ANKRD11: variants seen among roughly 807,000 people sequenced by gnomAD.
ANKRD11 encodes ankyrin repeat domain 11, also known as ankyrin repeat domain-containing protein 11.
ANKRD11 carries 17 observed loss-of-function variants against 195.7 expected under a neutral mutation model. The ratio of observed to expected loss-of-function variants is 0.09; its 90% confidence interval spans 0.06 to 0.13. The LOEUF (loss-of-function observed/expected upper bound fraction) is 0.13, where lower values mean the gene tolerates loss of function less well. ANKRD11 is among the 10% of genes least tolerant of loss of function. The probability of loss-of-function intolerance (pLI) is 1.00; values close to 1 mark genes in which losing one functional copy is unlikely to be tolerated. For missense variants in ANKRD11, 3,735 were observed against 3,566.1 expected (o/e 1.05, Z -1.21); for synonymous variants, 1,953 against 1,528.1 (o/e 1.28, Z -6.49).
In ANKRD11 at chr16:89,387,502, C is replaced by T. The variant is rs563729121; in HGVS notation, c.-60+30782G>A. On this transcript the variant is annotated intron_variant, in intron 2 of 12. Coordinates refer to ENST00000301030, the MANE Select transcript of ANKRD11 (RefSeq NM_013275.6). Reference sequence around the variant, plus strand: ...CCCGGCTAACACAGTGAAACCCCATCTCTACTAAAAATACAAAAAAATTAA... The same window carrying T: ...CCCGGCTAACACAGTGAAACCCCATTTCTACTAAAAATACAAAAAAATTAA... Among the ~76,000 whole-genome samples the T allele has an allele frequency of 4.6e-3, 690 of 151,364 alleles. 6 individuals carry two copies. Among genetic ancestry groups the T allele is most frequent in the African/African-American group, 0.015 (637 of 41,210 alleles).
At chr16:89,381,648 C>G (rs1358007635) in intron 2 of ANKRD11, among the ~76,000 whole-genome samples, 1 of 152,228 alleles carries the variant, frequency 6.6e-6, no homozygotes, top group Non-Finnish European at 1.5e-5. Context: ...ATGCCTGTCA[C>G]AAATGCGCAT....
At position 89,274,847 on chromosome 16, in the gene ANKRD11, G is replaced by A; in HGVS notation, c.7680C>T (p.Asp2560=). The stretch of plus-strand genomic sequence containing the variant: ...CCAGGGGCATGTTGTAGACCTCGGA[G>A]TCCAGCAGCATCGTGCAGGCGCTGA... ...VPFSACTMLL[D]SEVYNMPLES... is the part of the protein sequence containing the mutation. The change falls in exon 11 of 13, where the codon GAC becomes GAT. Residue 2560 remains aspartate (D), a synonymous_variant. Coordinates refer to ENST00000301030, the MANE Select transcript of ANKRD11 (RefSeq NM_013275.6). The A allele has an allele frequency of 1.9e-6, 3 of 1,612,580 alleles. No homozygotes were observed. The highest frequency in any genetic ancestry group is 2.5e-6 in the Non-Finnish European group (3 of 1,179,884).
At chr16:89,305,066 G>T (rs2036098865) in intron 4 of ANKRD11, 140 bp downstream of exon 4, 3 of 1,329,672 alleles carry the variant, frequency 2.3e-6, no homozygotes, top group Non-Finnish European at 3.1e-6. Context: ...CGCCCCTGCT[G>T]CCTCTTGCCT....
chr16:89,438,565 T>C (rs1403094248), intron 1 of ANKRD11, among the ~76,000 whole-genome samples: 2 of 152,012 alleles, frequency 1.3e-5, no homozygotes, highest in African/African-American at 2.4e-5. Flanking sequence ...ACTTATGACT[T>C]CAGGTGATCC....
rs1483914550 is a variant in ANKRD11, at chr16:89,283,501, C to G, written c.3041G>C (p.Gly1014Ala). ...CTTCTCCTTCCTTTCCTTATCGGGG[C>G]CATCCTTCTTCTCCTTCTCTCGTGC... ...HPAREKEKKD[G>A]PDKERKEKTK... Residue 1014 changes from glycine to alanine, a missense_variant, in exon 9 of 13, where the codon GGC becomes GCC. Gly to Ala is a moderately conservative substitution (Grantham distance 60). Coordinates refer to ENST00000301030, the MANE Select transcript of ANKRD11 (RefSeq NM_013275.6). The surrounding 1 kb of genome is among the most constrained non-coding windows in gnomAD (Gnocchi z 4.3). 6.2e-7 allele frequency: 1 copy of G among 1,614,014 alleles called. No homozygotes were observed.
At chr16:89,362,127 C>T (rs1210726708) in intron 2 of ANKRD11, among the ~76,000 whole-genome samples, 1 of 152,246 alleles carries the variant, frequency 6.6e-6, no homozygotes, top group Non-Finnish European at 1.5e-5. Context: ...TTTACCCAAT[C>T]TGACATGTGG....
intron 1 of ANKRD11, among the ~76,000 whole-genome samples, chr16:89,428,800 A>G (rs2042841110): frequency 6.6e-6 from 1 of 152,042 alleles, no homozygotes. Context: ...AGGCTAAGGC[A>G]GGAGAATCAC....
In ANKRD11 at chr16:89,269,471, C is replaced by T. The variant is rs1048802724; in HGVS notation, c.7807-808G>A. ...CTCAATGGGCCTCATAGCTTTTACT[C>T]GGCAGCTCAGACATCACCAGTGTAA... On this transcript the variant is annotated intron_variant, in intron 12 of 12. Coordinates refer to ENST00000301030, the MANE Select transcript of ANKRD11 (RefSeq NM_013275.6). Among the ~76,000 whole-genome samples, 3 of 152,134 alleles carry T rather than the reference C, an allele frequency of 2.0e-5. No homozygotes were observed. In the East Asian group the frequency reaches 5.8e-4, roughly 29 times the overall value.
At chr16:89,444,349 C>A (rs2043681007) in intron 1 of ANKRD11, among the ~76,000 whole-genome samples, 1 of 152,132 alleles carries the variant, frequency 6.6e-6, no homozygotes, top group African/African-American at 2.4e-5. Flanking sequence ...GGCTGCCACT[C>A]ACTGCAACTC....
intron 12 of ANKRD11, chr16:89,270,434 T>C (rs2033040085): frequency 2.8e-6 from 1 of 359,642 alleles, no homozygotes; most frequent in Non-Finnish European, 5.4e-6. Flanking sequence ...TGTGCTGCCC[T>C]TCCCGGCACC....
intron 1 of ANKRD11, among the ~76,000 whole-genome samples, chr16:89,469,999 G>C (rs1471511078): frequency 6.6e-6 from 1 of 151,132 alleles, no homozygotes; most frequent in Non-Finnish European, 1.5e-5. Flanking sequence ...TCCACTTCCC[G>C]GGTTCACGCC....
At chr16:89,489,002 T>C (rs1315916336) in intron 1 of ANKRD11, 1 of 151,988 alleles carries the variant, frequency 6.6e-6, no homozygotes, top group Non-Finnish European at 1.5e-5. Context: ...CCAAGCCTCT[T>C]CCAAAACTTC....
At chr16:89,426,204 C>T (rs192668343) in intron 1 of ANKRD11, among the ~76,000 whole-genome samples, 1 of 151,458 alleles carries the variant, frequency 6.6e-6, no homozygotes, top group East Asian at 1.9e-4. Context: ...ACAGCTATAA[C>T]AAAAAAAACA....
chr16:89,434,486 GC>G (rs1292795919), intron 1 of ANKRD11, among the ~76,000 whole-genome samples: 1 of 152,224 alleles, frequency 6.6e-6, no homozygotes, highest in Non-Finnish European at 1.5e-5. Context: ...AGGAGGAGCA[GC>G]ACCGCGCAGT....
intron 2 of ANKRD11, chr16:89,328,969 G>A (rs1327636922): frequency 6.8e-6 from 1 of 146,832 alleles, no homozygotes; most frequent in Non-Finnish European, 1.5e-5. Flanking sequence ...AATCAGTGGA[G>A]GCCCCTGCTG....
chr16:89,293,046 G>A (rs1824837978), intron 4 of ANKRD11, among the ~76,000 whole-genome samples: 1 of 152,160 alleles, frequency 6.6e-6, no homozygotes, highest in African/African-American at 2.4e-5. Flanking sequence ...CCTCTCTCCA[G>A]GAGGGGCCCA....
At chr16:89,350,605 A>G (rs1356540692) in intron 2 of ANKRD11, among the ~76,000 whole-genome samples, 1 of 152,208 alleles carries the variant, frequency 6.6e-6, no homozygotes, top group Admixed American at 6.5e-5. Flanking sequence ...AGCTACAGTG[A>G]CCGAAAGCAC....
rs779550492 is a variant in ANKRD11 at position 89,282,616 on chromosome 16, G to A, written c.3926C>T (p.Thr1309Met). 1.5e-5 allele frequency: 25 copies of A among 1,613,792 alleles called. No individual in the cohort carries two copies. Among genetic ancestry groups the A allele is most frequent in the Non-Finnish European group, 1.9e-5 (22 of 1,179,992 alleles). Reference sequence around the variant, plus strand: ...CAGCCCCGGCTCCTGCCCTCGGTCCGTGAAGCTGTCAGAGGAGACCTCGCT... The same window carrying A: ...CAGCCCCGGCTCCTGCCCTCGGTCCATGAAGCTGTCAGAGGAGACCTCGCT... ...KISEVSSDSF[T>M]DRGQEPGLTA... The change falls in exon 9 of 13, where the codon ACG becomes ATG. Residue 1309 changes from threonine (T) to methionine (M), a missense_variant. Transcript: ENST00000301030.
rs1200384618 is a variant in ANKRD11, at chr16:89,279,052, C to T, written c.7470+20G>A. 4 of 1,613,330 alleles carry T rather than the reference C, an allele frequency of 2.5e-6. No homozygotes were observed. The highest frequency in any genetic ancestry group is 3.4e-6 in the Non-Finnish European group (4 of 1,179,738). On this transcript the variant is annotated intron_variant, in intron 9 of 12. Transcript: ENST00000301030. This position sits in a 1 kb window ranked among gnomAD's most constrained non-coding sequence, Gnocchi z 5.6. The stretch of plus-strand genomic sequence containing the variant: ...ATCCCAGAGAGAGAAGGCAGTGGCT[C>T]TCCCGGGCCCCGCACTCACCACGGG...
Sources: allele counts gnomAD v4.1 joint callset (sites outside exome capture counted in the v4.1 genomes callset), GRCh38; gene constraint gnomAD v4.1.1; non-coding constraint Gnocchi (gnomAD v3.1); transcripts MANE v1.5; gene names NCBI Gene and HGNC (gene_info 2026-07-23, HGNC 2026-07-21).